The following SEMA3D variants were observed in gnomAD, a reference collection of about 807,000 sequenced individuals.
SEMA3D encodes the protein semaphorin-3D.
In SEMA3D, 84 loss-of-function variants were observed where a neutral mutation model predicts 100.1. The ratio of observed to expected loss-of-function variants is 0.84; its 90% CI spans 0.70 to 1.01. SEMA3D has a LOEUF of 1.01. Among genes scored for constraint, SEMA3D ranks in the 50% least tolerant of loss-of-function variants. The pLI is 0.00. For missense variants in SEMA3D, 875 were observed against 934.1 expected (o/e 0.94, Z 0.82); for synonymous variants, 312 against 320.7 (o/e 0.97, Z 0.29).
Position 84,996,998 on chromosome 7 carries a change from ATGT to A in SEMA3D, c.*2439_*2441del, listed in dbSNP as rs1279691844. 2 of 151,848 alleles carry A rather than the reference ATGT, an allele frequency of 1.3e-5. No homozygotes were observed. The highest frequency in any genetic ancestry group is 3.9e-4 in the East Asian group (2 of 5,182). The allele number at this position is 151,848 out of a possible 1,614,324, so 9.4% of individuals were successfully genotyped here. A position where few individuals can be genotyped will look rare whatever the true frequency, so the allele number is the denominator to read the frequency against. ...AAATACATATAAATATGTGTACTCTATGTTGTTTTTTATTGTGTGAAATTTTAT... is the reference window on the plus strand; with the variant it reads ...AAATACATATAAATATGTGTACTCTATGTTTTTTATTGTGTGAAATTTTAT... On this transcript the variant is annotated 3_prime_UTR_variant, in exon 19 of 19. Transcript: ENST00000284136.
the SEMA3D span, among the ~76,000 whole-genome samples, chr7:85,248,894 A>C: frequency 6.6e-6 from 1 of 152,210 alleles, no homozygotes; most frequent in African/African-American, 2.4e-5. Flanking sequence ...GTGATACTAC[A>C]ATTGTGGATA....
At chr7:85,050,873 A>G in intron 9 of SEMA3D, 1 of 391,860 alleles carries the variant, frequency 2.6e-6, no homozygotes, top group Non-Finnish European at 4.6e-6. Flanking sequence ...CACCACTACC[A>G]TCAACACCAA....
chr7:85,128,316 C>T lies in SEMA3D; in HGVS notation c.-40-6385G>A, dbSNP rs759990611. ...CTGAGTAGCTGGGATTACAGGCGCACGCCACCATGCCTGGCTAAATTTTTT... is the reference window on the plus strand; with the variant it reads ...CTGAGTAGCTGGGATTACAGGCGCATGCCACCATGCCTGGCTAAATTTTTT... On this transcript the variant is annotated intron_variant, in intron 2 of 18. Coordinates refer to ENST00000284136, the MANE Select transcript of SEMA3D (RefSeq NM_001384900.1). Among the ~76,000 whole-genome samples, 5 of 151,784 alleles carry T rather than the reference C, an allele frequency of 3.3e-5. No individual in the cohort carries two copies. In the East Asian group the frequency reaches 5.8e-4, roughly 18 times the overall value.
the SEMA3D span, among the ~76,000 whole-genome samples, chr7:85,217,219 A>T: frequency 1.3e-5 from 2 of 152,086 alleles, no homozygotes; most frequent in Non-Finnish European, 2.9e-5. Context: ...TTCAAACCTT[A>T]GGCCAAACTT....
At chr7:85,016,906 A>G (rs1449996856) in intron 15 of SEMA3D, among the ~76,000 whole-genome samples, 2 of 150,340 alleles carry the variant, frequency 1.3e-5, no homozygotes, top group Non-Finnish European at 3.0e-5. Context: ...GGTGAGCATT[A>G]TCCAAGCATC....
chr7:85,032,177 C>A (rs1403653483), intron 12 of SEMA3D, among the ~76,000 whole-genome samples: 3 of 152,030 alleles, frequency 2.0e-5, no homozygotes, highest in Non-Finnish European at 4.4e-5. Context: ...CCAGTTCTTA[C>A]ATTCTCAAAT....
At chr7:85,176,884 C>T (rs533149800) in intron 1 of SEMA3D, among the ~76,000 whole-genome samples, 2 of 152,074 alleles carry the variant, frequency 1.3e-5, no homozygotes, top group Admixed American at 1.3e-4. Context: ...AAATGGATCA[C>T]ATATATCAAG....
the SEMA3D span, among the ~76,000 whole-genome samples, chr7:85,195,555 C>T: frequency 6.6e-6 from 1 of 152,074 alleles, no homozygotes; most frequent in Non-Finnish European, 1.5e-5. Context: ...CATGCTCAAG[C>T]ACTCTTCTCA....
At chr7:85,149,348 T>C (rs1790300262) in intron 2 of SEMA3D, among the ~76,000 whole-genome samples, 1 of 152,004 alleles carries the variant, frequency 6.6e-6, no homozygotes, top group Non-Finnish European at 1.5e-5. Context: ...TCTCAGCTAC[T>C]TGGGAGGCTG....
the SEMA3D span, among the ~76,000 whole-genome samples, chr7:85,229,353 C>T: frequency 9.9e-5 from 15 of 151,778 alleles, no homozygotes; most frequent in Non-Finnish European, 1.6e-4. Context: ...TGGTCCATTG[C>T]TATTTTTTTA....
rs181400943 is a variant in SEMA3D, at chr7:84,998,436, A to G, written c.*1004T>C. On this transcript the variant is annotated 3_prime_UTR_variant, in exon 19 of 19. Transcript: ENST00000284136. ...TCAGATTTTGCTAGCAGTTTGTTAT[A>G]ATCTAGATTTTTTTTAACAGATGAA... 97 of 152,252 alleles carry G rather than the reference A, an allele frequency of 6.4e-4. No homozygotes were observed. Among genetic ancestry groups the G allele is most frequent in the African/African-American group, 2.3e-3 (95 of 41,566 alleles). The allele number at this position is 152,252 out of a possible 1,614,324, so 9.4% of individuals were successfully genotyped here.
At chr7:85,119,091 C>A (rs1789332608) in intron 3 of SEMA3D, among the ~76,000 whole-genome samples, 1 of 151,886 alleles carries the variant, frequency 6.6e-6, no homozygotes, top group Admixed American at 6.6e-5. Context: ...GTCAGAATGG[C>A]TATTATATAA....
chr7:85,137,390 T>C (rs1789899313), intron 2 of SEMA3D, among the ~76,000 whole-genome samples: 1 of 151,996 alleles, frequency 6.6e-6, no homozygotes, highest in South Asian at 2.1e-4. Flanking sequence ...TGTGTGTATA[T>C]ATATAAATCT....
chr7:85,077,569 T>A (rs1055664304), intron 5 of SEMA3D, among the ~76,000 whole-genome samples: 1 of 152,128 alleles, frequency 6.6e-6, no homozygotes, highest in Non-Finnish European at 1.5e-5. Context: ...TCATATAAGA[T>A]GTTTAGTGTT....
chr7:85,179,132 G>A (rs1014216867), intron 1 of SEMA3D, among the ~76,000 whole-genome samples: 2 of 152,198 alleles, frequency 1.3e-5, no homozygotes, highest in African/African-American at 4.8e-5. Context: ...CCTCTGCTAG[G>A]GAAGTACAGA....
intron 8 of SEMA3D, among the ~76,000 whole-genome samples, chr7:85,056,881 C>G (rs1367676050): frequency 3.1e-5 from 3 of 95,744 alleles, no homozygotes; most frequent in Non-Finnish European, 6.0e-5. Flanking sequence ...ATATAGCATA[C>G]ATATACAGCA....
chr7:85,240,957 C>G, the SEMA3D span, among the ~76,000 whole-genome samples: 33 of 151,862 alleles, frequency 2.2e-4, no homozygotes, highest in African/African-American at 7.7e-4. Context: ...AAGGAACTCA[C>G]AAAATTATCA....
intron 2 of SEMA3D, among the ~76,000 whole-genome samples, chr7:85,150,917 TA>T (rs1018460561): frequency 1.1e-4 from 16 of 152,110 alleles, no homozygotes; most frequent in African/African-American, 3.6e-4. Flanking sequence ...TAATTCCTTT[TA>T]TTGTAAATGT....
chr7:85,181,850 A>G (rs1791418795), intron 1 of SEMA3D: 2 of 497,514 alleles, frequency 4.0e-6, no homozygotes, highest in African/African-American at 4.2e-5. Context: ...CATGGAACTA[A>G]AGCATCCAAT....
Sources: allele counts gnomAD v4.1 joint callset (sites outside exome capture counted in the v4.1 genomes callset), GRCh38; gene constraint gnomAD v4.1.1; transcripts MANE v1.5; gene names NCBI Gene and HGNC (gene_info 2026-07-23, HGNC 2026-07-21).